The following TRIM67 variants were observed in gnomAD, a reference collection of about 807,000 sequenced individuals.
TRIM67 encodes tripartite motif containing 67.
In TRIM67, 39 loss-of-function variants were observed where a neutral mutation model predicts 71.0. The ratio of observed to expected loss-of-function variants is 0.55; its 90% CI spans 0.43 to 0.72. TRIM67 has a LOEUF of 0.72. Among genes scored for constraint, TRIM67 ranks in the 30% least tolerant of loss-of-function variants. The probability of loss-of-function intolerance (pLI) is 0.00; values close to 1 mark genes in which losing one functional copy is unlikely to be tolerated. For missense variants in TRIM67, 973 were observed against 1,079.2 expected (o/e 0.90, Z 1.38); for synonymous variants, 481 against 473.9 (o/e 1.01, Z -0.19).
At chr1:231,182,869 G>A (rs1682945850) in intron 1 of TRIM67, among the ~76,000 whole-genome samples, 1 of 152,226 alleles carries the variant, frequency 6.6e-6, no homozygotes, top group East Asian at 1.9e-4. Flanking sequence ...TGCGGATATA[G>A]CTAATGACTG....
At chr1:231,176,899 A>C (rs1682762543) in intron 1 of TRIM67, among the ~76,000 whole-genome samples, 1 of 143,678 alleles carries the variant, frequency 7.0e-6, no homozygotes, top group African/African-American at 2.7e-5. Context: ...TTGCCAATAC[A>C]ATCTGGCAAA....
At chr1:231,205,828 A>C (rs1683679010) in intron 6 of TRIM67, among the ~76,000 whole-genome samples, 1 of 152,118 alleles carries the variant, frequency 6.6e-6, no homozygotes, top group Non-Finnish European at 1.5e-5. Context: ...CAGGAGGGCT[A>C]AGGAGTGGAA....
At chr1:231,173,299 C>A (rs2102717583) in intron 1 of TRIM67, among the ~76,000 whole-genome samples, 1 of 152,298 alleles carries the variant, frequency 6.6e-6, no homozygotes, top group African/African-American at 2.4e-5. Flanking sequence ...ATAATCCTAA[C>A]AATTTGGGAG....
At chr1:231,210,669 G>A (rs1440625994) in intron 8 of TRIM67, among the ~76,000 whole-genome samples, 2 of 151,842 alleles carry the variant, frequency 1.3e-5, no homozygotes, top group Non-Finnish European at 2.9e-5. Flanking sequence ...GCTCAATGCT[G>A]TAGGAAGCAC....
rs1210682543 is a variant in TRIM67 at position 231,163,620 on chromosome 1, G to C, written c.651G>C (p.Glu217Asp). The change falls in exon 1 of 10, where the codon GAG becomes GAC. Residue 217 changes from glutamate (E) to aspartate (D), a missense_variant. Coordinates refer to ENST00000366653, the MANE Select transcript of TRIM67 (RefSeq NM_001004342.5). The part of the protein sequence containing the change: ...ICQLCDRTPP[E>D]PAATLCEQCD... Reference sequence around the variant, plus strand: ...AGCTGTGCGACCGCACCCCGCCAGAGCCAGCAGCCACGCTCTGCGAGCAGT... The same window carrying C: ...AGCTGTGCGACCGCACCCCGCCAGACCCAGCAGCCACGCTCTGCGAGCAGT... The C allele has an allele frequency of 6.6e-7, 1 of 1,519,790 alleles. No homozygotes were observed. Among genetic ancestry groups the C allele is most frequent in the African/African-American group, 1.4e-5 (1 of 69,542 alleles). 94.1% of individuals were successfully genotyped at this position (1,519,790 alleles called of 1,614,324 possible).
intron 1 of TRIM67, among the ~76,000 whole-genome samples, chr1:231,193,503 GCTCTCTCTCT>G (rs3049035): frequency 0.011 from 902 of 81,994 alleles, 9 homozygotes; most frequent in African/African-American, 0.018. Flanking sequence ...TCTCTCTCAA[GCTCTCTCTCT>G]CTCTCTCTCT....
At chr1:231,188,451 T>C (rs1413385007) in intron 1 of TRIM67, among the ~76,000 whole-genome samples, 1 of 152,152 alleles carries the variant, frequency 6.6e-6, no homozygotes, top group Non-Finnish European at 1.5e-5. Context: ...AAGGGTCCCC[T>C]GGAGAATAAA....
chr1:231,202,048 T>TGGAAGAGGAGGA (rs1463249892), intron 5 of TRIM67, among the ~76,000 whole-genome samples: 1 of 149,944 alleles, frequency 6.7e-6, no homozygotes, highest in African/African-American at 2.5e-5. Context: ...GTGGAGGAGG[T>TGGAAGAGGAGGA]AGTCATGGAG....
chr1:231,205,054 G>A (rs1369061928), intron 6 of TRIM67, among the ~76,000 whole-genome samples: 3 of 152,136 alleles, frequency 2.0e-5, no homozygotes, highest in East Asian at 1.9e-4. Flanking sequence ...GAAAGAGCTC[G>A]TCCACCCGAA....
intron 1 of TRIM67, among the ~76,000 whole-genome samples, chr1:231,181,664 A>G (rs533618177): frequency 6.6e-6 from 1 of 152,332 alleles, no homozygotes; most frequent in Non-Finnish European, 1.5e-5. Flanking sequence ...TACTAGGTCC[A>G]TATTTAGACT....
Position 231,221,247 on chromosome 1 carries a change from A to G in TRIM67, c.*5807A>G, listed in dbSNP as rs372819412. On this transcript the variant is annotated 3_prime_UTR_variant, in exon 10 of 10. Coordinates refer to ENST00000366653, the MANE Select transcript of TRIM67 (RefSeq NM_001004342.5). ...AATTTTCTTGCCTTTCTTTATCCCC[A>G]TTTCTCCTCCCTCCCCTTCCCCCAT... 12 of 152,232 alleles carry G rather than the reference A, an allele frequency of 7.9e-5. No individual in the cohort carries two copies. The East Asian group carries it at 1.5e-3, about 20-fold the overall frequency. 9.4% of individuals were successfully genotyped at this position (152,232 alleles called of 1,614,324 possible).
chr1:231,173,564 G>A (rs1378118478), intron 1 of TRIM67, among the ~76,000 whole-genome samples: 3 of 152,188 alleles, frequency 2.0e-5, no homozygotes, highest in Non-Finnish European at 4.4e-5. Flanking sequence ...GGCAGGTGAC[G>A]CCTGGTGTGT....
intron 1 of TRIM67, among the ~76,000 whole-genome samples, chr1:231,191,175 C>T (rs1488437800): frequency 6.6e-6 from 1 of 152,172 alleles, no homozygotes; most frequent in Non-Finnish European, 1.5e-5. Context: ...GCAATCCTTC[C>T]ACCTCAGCCT....
At chr1:231,181,202 GATCC>G (rs1682897398) in intron 1 of TRIM67, among the ~76,000 whole-genome samples, 2 of 152,306 alleles carry the variant, frequency 1.3e-5, no homozygotes, top group African/African-American at 4.8e-5. Flanking sequence ...TTGACATCGT[GATCC>G]ACCCTCTTCG....
chr1:231,210,531 C>T (rs1683838682), intron 8 of TRIM67, among the ~76,000 whole-genome samples: 1 of 150,864 alleles, frequency 6.6e-6, no homozygotes, highest in Admixed American at 6.6e-5. Flanking sequence ...ACTCTCCCTC[C>T]CACCCACAGA....
intron 1 of TRIM67, among the ~76,000 whole-genome samples, chr1:231,170,055 C>T (rs1212521589): frequency 3.4e-5 from 5 of 145,940 alleles, no homozygotes; most frequent in South Asian, 2.1e-4. Flanking sequence ...GGTGCAATCT[C>T]GGCTCACTGC....
In TRIM67 at chr1:231,162,460, G is replaced by A. The variant is rs1682313001; in HGVS notation, c.-510G>A. 1 of 154,406 alleles carries A rather than the reference G, an allele frequency of 6.5e-6. No homozygotes were observed. The highest frequency in any genetic ancestry group is 1.4e-5 in the Non-Finnish European group (1 of 69,556). The allele number at this position is 154,406 out of a possible 1,614,324, so 9.6% of individuals were successfully genotyped here. A position where few individuals can be genotyped will look rare whatever the true frequency, so the allele number is the denominator to read the frequency against. ...GTGCTGATCCCAGCCCCACGGCTGA[G>A]CGGCCTTCGCACCTGCCTGTCTCAC... On this transcript the variant is annotated 5_prime_UTR_variant, in exon 1 of 10. Transcript: ENST00000366653.
intron 1 of TRIM67, chr1:231,186,248 G>T: frequency 7.7e-7 from 1 of 1,290,346 alleles, no homozygotes; most frequent in Non-Finnish European, 1.1e-6. Context: ...TCTGGCAAAA[G>T]CAGGATTTCT....
rs375372615 is a variant in TRIM67, at chr1:231,180,505, C to T, written c.1044+16492C>T. Among the ~76,000 whole-genome samples the T allele has an allele frequency of 5.3e-5, 8 of 152,110 alleles. No individual in the cohort carries two copies. In the East Asian group the frequency reaches 9.6e-4, roughly 18 times the overall value. On this transcript the variant is annotated intron_variant, in intron 1 of 9. Coordinates refer to ENST00000366653, the MANE Select transcript of TRIM67 (RefSeq NM_001004342.5). ...AGCGTGCTAGTCTCCCTCTCCTGCA[C>T]CCCCCTTCAGATACTGTTCTACCCT...
Sources: allele counts gnomAD v4.1 joint callset (sites outside exome capture counted in the v4.1 genomes callset), GRCh38; gene constraint gnomAD v4.1.1; transcripts MANE v1.5; gene names NCBI Gene and HGNC (gene_info 2026-07-23, HGNC 2026-07-21).